The following SLC35G2 variants were observed in gnomAD, a reference collection of about 807,000 sequenced individuals.
SLC35G2 encodes the protein transmembrane protein 22.
Under a neutral mutation model 27.2 loss-of-function variants are expected in SLC35G2, and 20 were observed. That is an observed-to-expected ratio of 0.74 (90% CI 0.52 to 1.07). The LOEUF is 1.07. Among genes scored for constraint, SLC35G2 ranks in the 50% least tolerant of loss-of-function variants. The pLI is 0.00. For missense variants in SLC35G2, 416 were observed against 493.3 expected (o/e 0.84, Z 1.48); for synonymous variants, 148 against 165.3 (o/e 0.90, Z 0.80).
At chr3:136,830,100 ATTTCTTT>A (rs1936686916) in intron 1 of SLC35G2, among the ~76,000 whole-genome samples, 1 of 115,256 alleles carries the variant, frequency 8.7e-6, no homozygotes, top group East Asian at 2.5e-4. Flanking sequence ...GACATACATT[ATTTCTTT>A]TTTTTTTTTT....
At chr3:136,851,814 C>G (rs551553633) in intron 1 of SLC35G2, among the ~76,000 whole-genome samples, 1 of 152,178 alleles carries the variant, frequency 6.6e-6, no homozygotes, top group African/African-American at 2.4e-5. Context: ...AGCAATGTGA[C>G]AGTGGGATAA....
chr3:136,847,237 G>A (rs1035823277), intron 1 of SLC35G2, among the ~76,000 whole-genome samples: 7 of 151,932 alleles, frequency 4.6e-5, no homozygotes, highest in African/African-American at 7.3e-5. Context: ...CTGGGGCCAC[G>A]TGAATACTGT....
At chr3:136,840,238 T>C (rs956733684) in intron 1 of SLC35G2, among the ~76,000 whole-genome samples, 1 of 152,232 alleles carries the variant, frequency 6.6e-6, no homozygotes, top group Non-Finnish European at 1.5e-5. Context: ...AGCCCTCTTT[T>C]AAGCTGATTT....
Position 136,827,274 on chromosome 3 carries a change from A to C in SLC35G2, c.-19+7646A>C, listed in dbSNP as rs192656996. On this transcript the variant is annotated intron_variant, in intron 1 of 1. Coordinates refer to ENST00000446465, the MANE Select transcript of SLC35G2 (RefSeq NM_025246.3). ...GTCATGCAGGCCGGAGCACAGGGAC[A>C]TGATTATAGTTCACTACAGCCTCAA... Among the ~76,000 whole-genome samples, 16 of 151,510 alleles carry C rather than the reference A, an allele frequency of 1.1e-4. No individual in the cohort carries two copies. The East Asian group carries it at 2.9e-3, about 28-fold the overall frequency.
rs778572540 is a variant in SLC35G2 at position 136,854,890 on chromosome 3, CAG to C, written c.431_432del (p.Gln144ArgfsTer72). The C allele has an allele frequency of 1.4e-5, 23 of 1,614,078 alleles. No homozygotes were observed. The highest frequency in any genetic ancestry group is 1.5e-5 in the Non-Finnish European group (18 of 1,180,042). Reference protein sequence around the residue: ...LELIFIRSVFQVLSVLVVCYY... With the variant: ...LELIFIRSVFXVLSVLVVCYY... ...ACTGATTTTTATCCGTTCTGTTTTT[CAG>C]GTCTTATCTGTGTTAGTTGTGTGTT... On this transcript the variant is annotated frameshift_variant, in exon 2 of 2. Transcript: ENST00000446465. LOFTEE classifies it high-confidence loss of function.
intron 1 of SLC35G2, among the ~76,000 whole-genome samples, chr3:136,825,659 T>C (rs1003041600): frequency 1.3e-5 from 2 of 152,234 alleles, no homozygotes; most frequent in African/African-American, 4.8e-5. Context: ...TTGAAATGAT[T>C]ATATGATTTT....
At chr3:136,827,700 TTC>T (rs1936620536) in intron 1 of SLC35G2, among the ~76,000 whole-genome samples, 1 of 152,174 alleles carries the variant, frequency 6.6e-6, no homozygotes, top group African/African-American at 2.4e-5. Context: ...TTTCCTTAAT[TTC>T]TTCATTGACC....
chr3:136,854,920 T>C lies in SLC35G2; in HGVS notation c.460T>C (p.Tyr154His), dbSNP rs149802514. The C allele has an allele frequency of 1.9e-6, 3 of 1,614,082 alleles. No homozygotes were observed. Among genetic ancestry groups the C allele is most frequent in the South Asian group, 2.2e-5 (2 of 91,088 alleles). Residue 154 changes from tyrosine (Y) to histidine (H), a missense_variant, in exon 2 of 2, where the codon TAT (tyrosine) becomes CAT (histidine). Transcript: ENST00000446465. ...QVLSVLVVCY[Y>H]QEAPFGPSGY... is the part of the protein sequence containing the mutation. ...CTTATCTGTGTTAGTTGTGTGTTAC[T>C]ATCAGGAGGCCCCCTTTGGACCCAG...
At chr3:136,854,371 G>A (rs1412567823) in intron 1 of SLC35G2, 72 bp from the exon 2 acceptor site, 3 of 949,534 alleles carry the variant, frequency 3.2e-6, no homozygotes, top group Non-Finnish European at 4.7e-6. Flanking sequence ...TTGAATTGAT[G>A]CATATGATTA....
intron 1 of SLC35G2, chr3:136,820,368 C>G (rs765541799): frequency 2.6e-5 from 4 of 152,268 alleles, no homozygotes; most frequent in Non-Finnish European, 5.9e-5. Context: ...CTGCGTTGCC[C>G]TTCTACTCTG....
At chr3:136,830,323 C>G (rs1477611291) in intron 1 of SLC35G2, among the ~76,000 whole-genome samples, 1 of 150,248 alleles carries the variant, frequency 6.7e-6, no homozygotes, top group Non-Finnish European at 1.5e-5. Context: ...TGCTCTATCG[C>G]CCGAGCTGGA....
chr3:136,854,817 T>A lies in SLC35G2; in HGVS notation c.357T>A (p.Ala119=). Residue 119 remains alanine, a synonymous_variant, in exon 2 of 2, where the codon GCT becomes GCA. Coordinates refer to ENST00000446465, the MANE Select transcript of SLC35G2 (RefSeq NM_025246.3). ...FGSALAHGCV[A]LITRLVSDRS... is the part of the protein sequence containing the mutation. ...CTGCTTTGGCTCATGGATGTGTAGCTCTTATCACTAGGCTTGTTTCTGATC... is the reference window on the plus strand; with the variant it reads ...CTGCTTTGGCTCATGGATGTGTAGCACTTATCACTAGGCTTGTTTCTGATC... The A allele has an allele frequency of 1.9e-6, 3 of 1,614,182 alleles. No individual in the cohort carries two copies. Among genetic ancestry groups the A allele is most frequent in the Non-Finnish European group, 2.5e-6 (3 of 1,180,024 alleles).
At chr3:136,825,967 G>A (rs1936573897) in intron 1 of SLC35G2, among the ~76,000 whole-genome samples, 5 of 152,136 alleles carry the variant, frequency 3.3e-5, no homozygotes, top group Admixed American at 3.3e-4. Context: ...GTTTGAATAG[G>A]ATTAGAATGC....
chr3:136,844,551 C>A (rs1576906459), intron 1 of SLC35G2, among the ~76,000 whole-genome samples: 1 of 150,828 alleles, frequency 6.6e-6, no homozygotes, highest in Non-Finnish European at 1.5e-5. Flanking sequence ...GTAATCCCAG[C>A]ACTTTGGGAG....
chr3:136,853,026 ATTATT>A (rs1262146555), intron 1 of SLC35G2, among the ~76,000 whole-genome samples: 2 of 152,162 alleles, frequency 1.3e-5, no homozygotes, highest in African/African-American at 2.4e-5. Context: ...GTTTATATGC[ATTATT>A]TTATTTAATT....
At chr3:136,839,645 C>G (rs1297346582) in intron 1 of SLC35G2, among the ~76,000 whole-genome samples, 1 of 152,044 alleles carries the variant, frequency 6.6e-6, no homozygotes, top group African/African-American at 2.4e-5. Context: ...TAACTCTCAC[C>G]CCTACCTTTT....
At chr3:136,850,950 A>G (rs1216371636) in intron 1 of SLC35G2, among the ~76,000 whole-genome samples, 3 of 152,102 alleles carry the variant, frequency 2.0e-5, no homozygotes, top group Non-Finnish European at 1.5e-5. Flanking sequence ...ACGCCACTGC[A>G]CTCCAGCCTG....
chr3:136,854,076 G>A (rs1341310399), intron 1 of SLC35G2, among the ~76,000 whole-genome samples: 1 of 152,184 alleles, frequency 6.6e-6, no homozygotes, highest in Non-Finnish European at 1.5e-5. Flanking sequence ...CAATGAGAAG[G>A]AAAGGTTTGA....
chr3:136,848,796 T>C (rs1005086924), intron 1 of SLC35G2, among the ~76,000 whole-genome samples: 1 of 151,990 alleles, frequency 6.6e-6, no homozygotes, highest in Non-Finnish European at 1.5e-5. Context: ...TTAGAGTAGG[T>C]GGGAAGAGAG....
Sources: allele counts gnomAD v4.1 joint callset (sites outside exome capture counted in the v4.1 genomes callset), GRCh38; gene constraint gnomAD v4.1.1; transcripts MANE v1.5; gene names NCBI Gene and HGNC (gene_info 2026-07-23, HGNC 2026-07-21).